The following RHBDL3 variants were observed in gnomAD, a reference collection of about 807,000 sequenced individuals.
RHBDL3 encodes the protein rhomboid-related protein 3.
RHBDL3 carries 28 observed loss-of-function variants against 48.2 expected under a neutral mutation model. That is an observed-to-expected ratio of 0.58 (90% CI 0.43 to 0.80). The LOEUF is 0.80. RHBDL3 is among the 30% of genes least tolerant of loss of function. RHBDL3 has a pLI of 0.00. For missense variants in RHBDL3, 464 were observed against 542.7 expected (o/e 0.85, Z 1.44); for synonymous variants, 208 against 232.3 (o/e 0.90, Z 0.95).
chr17:32,276,081 A>G (rs2150695342), intron 2 of RHBDL3, among the ~76,000 whole-genome samples: 1 of 152,286 alleles, frequency 6.6e-6, no homozygotes, highest in Middle Eastern at 3.4e-3. Context: ...TGTATCTGTT[A>G]AGTGGGACGA....
At chr17:32,311,668 A>T (rs2040850248) in intron 7 of RHBDL3, among the ~76,000 whole-genome samples, 1 of 152,170 alleles carries the variant, frequency 6.6e-6, no homozygotes, top group South Asian at 2.1e-4. Flanking sequence ...CAGATGTTGT[A>T]AACTCATAAA....
rs368708500 is a variant in RHBDL3 at position 32,321,001 on chromosome 17, G to A, written c.987G>A (p.Pro329=). 34 of 1,613,816 alleles carry A rather than the reference G, an allele frequency of 2.1e-5. No homozygotes were observed. The highest frequency in any genetic ancestry group is 1.2e-4 in the Admixed American group (7 of 59,998). Residue 329 remains proline, a synonymous_variant, in exon 9 of 9, where the codon CCG becomes CCA. Transcript: ENST00000269051. ...FGRAVWLRFH[P]SAYPPCPHPS... is the part of the protein sequence containing the mutation. ...GGGCCGTGTGGCTCCGCTTCCACCC[G>A]TCGGCCTATCCCCCGTGCCCTCACC...
At chr17:32,309,788 T>C (rs866653958) in intron 7 of RHBDL3, among the ~76,000 whole-genome samples, 21,907 of 100,416 alleles carry the variant, frequency 0.22, 2,866 homozygotes, top group African/African-American at 0.36. Flanking sequence ...TTTTTTTTTT[T>C]TTTTTTTTTG....
In RHBDL3 at chr17:32,313,499, G is replaced by A. The variant is rs116498071; in HGVS notation, c.883-2733G>A. ...CATACATTCACATTGTACAATCATC[G>A]CCATCTGTCTCCAGAACTCTTTTCA... is the stretch of plus-strand genomic sequence containing the variant. On this transcript the variant is annotated intron_variant, in intron 7 of 8. Transcript: ENST00000269051. Among the ~76,000 whole-genome samples, 1,450 of 151,986 alleles carry A rather than the reference G, an allele frequency of 9.5e-3. 30 individuals carry two copies. Among genetic ancestry groups the A allele is most frequent in the African/African-American group, 0.033 (1,364 of 41,450 alleles).
At chr17:32,314,882 C>G (rs2040934405) in intron 7 of RHBDL3, among the ~76,000 whole-genome samples, 1 of 152,236 alleles carries the variant, frequency 6.6e-6, no homozygotes, top group Admixed American at 6.5e-5. Context: ...ACACCGATAT[C>G]CTGCCATCTG....
chr17:32,288,643 C>T (rs548594119), intron 3 of RHBDL3, 149 bp from the exon 4 acceptor site: 3 of 627,232 alleles, frequency 4.8e-6, no homozygotes, highest in Non-Finnish European at 8.6e-6. Flanking sequence ...CTAACAAGAC[C>T]TTGGTGAATG....
At position 32,288,709 on chromosome 17, in the gene RHBDL3, A is replaced by G. The variant is rs2040253825; in HGVS notation, c.295-83A>G. ...GGAAATGCGGGGTCAGGCCTGGTGCAAGGAACATGCTGGCTGGGAAGTGGG... is the reference window on the plus strand; with the variant it reads ...GGAAATGCGGGGTCAGGCCTGGTGCGAGGAACATGCTGGCTGGGAAGTGGG... On this transcript the variant is annotated intron_variant, in intron 3 of 8. Coordinates refer to ENST00000269051, the MANE Select transcript of RHBDL3 (RefSeq NM_138328.3). 10 of 996,240 alleles carry G rather than the reference A, an allele frequency of 1.0e-5. No individual in the cohort carries two copies. The South Asian group carries it at 1.0e-4, about 10-fold the overall frequency. 61.7% of individuals were successfully genotyped at this position (996,240 alleles called of 1,614,324 possible). A position where few individuals can be genotyped will look rare whatever the true frequency, so the allele number is the denominator to read the frequency against.
At chr17:32,275,256 T>C (rs1198536284) in intron 2 of RHBDL3, among the ~76,000 whole-genome samples, 1 of 152,154 alleles carries the variant, frequency 6.6e-6, no homozygotes, top group Admixed American at 6.5e-5. Context: ...AGGCGGCGCG[T>C]CAGGCTGGGC....
At chr17:32,301,041 G>A (rs940854987) in intron 6 of RHBDL3, among the ~76,000 whole-genome samples, 2 of 152,050 alleles carry the variant, frequency 1.3e-5, no homozygotes, top group African/African-American at 2.4e-5. Context: ...CACCGCGCCC[G>A]GCTAATTTTT....
chr17:32,313,846 TC>T (rs2040906210), intron 7 of RHBDL3, among the ~76,000 whole-genome samples: 1 of 140,692 alleles, frequency 7.1e-6, no homozygotes, highest in Non-Finnish European at 1.5e-5. Flanking sequence ...AAGCTCTGCC[TC>T]CCGAGTTCAC....
intron 8 of RHBDL3, among the ~76,000 whole-genome samples, chr17:32,319,421 CAAAAAAAAAA>C (rs541383037): frequency 1.9e-4 from 15 of 79,836 alleles, no homozygotes; most frequent in African/African-American, 7.4e-4. Context: ...GATTCCGTCT[CAAAAAAAAAA>C]AAAAAAAAAA....
chr17:32,275,026 T>TC (rs2039862838), intron 2 of RHBDL3, among the ~76,000 whole-genome samples: 1 of 152,212 alleles, frequency 6.6e-6, no homozygotes, highest in East Asian at 1.9e-4. Context: ...TGCATCTTGC[T>TC]CCCCTCCTTC....
chr17:32,274,285 C>T (rs976924582), intron 2 of RHBDL3, among the ~76,000 whole-genome samples: 1 of 152,140 alleles, frequency 6.6e-6, no homozygotes, highest in Admixed American at 6.6e-5. Context: ...TCTGATCTGG[C>T]AATTCCTGCT....
chr17:32,277,329 A>G (rs1567764032), intron 2 of RHBDL3, among the ~76,000 whole-genome samples: 1 of 152,254 alleles, frequency 6.6e-6, no homozygotes, highest in African/African-American at 2.4e-5. Context: ...AAAATCACAC[A>G]TACATCATAG....
At chr17:32,308,407 C>T (rs1384591324) in intron 7 of RHBDL3, among the ~76,000 whole-genome samples, 1 of 151,762 alleles carries the variant, frequency 6.6e-6, no homozygotes, top group Non-Finnish European at 1.5e-5. Context: ...ACATCTCTAC[C>T]CACCTCTACC....
intron 6 of RHBDL3, among the ~76,000 whole-genome samples, chr17:32,304,410 G>A (rs1386396954): frequency 6.6e-6 from 1 of 152,188 alleles, no homozygotes; most frequent in Non-Finnish European, 1.5e-5. Flanking sequence ...CTGCTAGAGA[G>A]GCCAAGAGTG....
At chr17:32,307,549 GA>G (rs2040740253) in intron 7 of RHBDL3, among the ~76,000 whole-genome samples, 1 of 152,212 alleles carries the variant, frequency 6.6e-6, no homozygotes, top group African/African-American at 2.4e-5. Context: ...GAAAGGAAGA[GA>G]GGGGGAGAGA....
intron 8 of RHBDL3, among the ~76,000 whole-genome samples, chr17:32,318,983 C>T (rs1293105173): frequency 1.3e-5 from 2 of 152,136 alleles, no homozygotes; most frequent in African/African-American, 2.4e-5. Context: ...GAACTTCCAG[C>T]CTTAAAACCT....
chr17:32,310,383 C>G (rs1254410874), intron 7 of RHBDL3, among the ~76,000 whole-genome samples: 3 of 151,706 alleles, frequency 2.0e-5, no homozygotes, highest in Admixed American at 6.6e-5. Flanking sequence ...AGATCAAGAC[C>G]ATCCTGGCTA....
Sources: gnomAD v4.1 joint callset for allele counts (sites outside exome capture counted in the v4.1 genomes callset) on GRCh38, gnomAD v4.1.1 for gene constraint, MANE v1.5 for transcripts, NCBI Gene and HGNC (gene_info 2026-07-23, HGNC 2026-07-21) for gene names.